CTNNA1: variants seen among roughly 807,000 people sequenced by gnomAD.
The protein encoded by CTNNA1 is catenin alpha 1.
A neutral mutation model predicts 98.4 loss-of-function variants in CTNNA1; 37 were observed. The observed-to-expected ratio is 0.38, with a 90% CI of 0.29 to 0.49. The LOEUF (loss-of-function observed/expected upper bound fraction) is 0.49, where lower values mean the gene tolerates loss of function less well. Among genes scored for constraint, CTNNA1 ranks in the 20% least tolerant of loss-of-function variants. CTNNA1 has a pLI of 0.95. For synonymous variants in CTNNA1, 404 were observed against 413.2 expected (o/e 0.98, Z 0.27); for missense variants, 761 against 1,147.2 (o/e 0.66, Z 4.86).
intron 5 of CTNNA1, among the ~76,000 whole-genome samples, chr5:138,819,481 A>G (rs1448426949): frequency 2.0e-5 from 3 of 152,128 alleles, no homozygotes; most frequent in African/African-American, 7.2e-5. Flanking sequence ...GATGCAGGGT[A>G]CTATGTCGGC....
At chr5:138,872,859 T>G in intron 7 of CTNNA1, 2 of 526,754 alleles carry the variant, frequency 3.8e-6, no homozygotes, top group Non-Finnish European at 6.5e-6. Context: ...TTTAAAAAAT[T>G]AAAAATACTT....
intron 7 of CTNNA1, among the ~76,000 whole-genome samples, chr5:138,846,320 A>G (rs1762726267): frequency 6.6e-6 from 1 of 152,354 alleles, no homozygotes. Flanking sequence ...GGTTGTACAT[A>G]TCTGTGAATA....
intron 5 of CTNNA1, among the ~76,000 whole-genome samples, chr5:138,817,113 T>TC (rs1211389216): frequency 6.6e-6 from 1 of 152,262 alleles, no homozygotes; most frequent in Non-Finnish European, 1.5e-5. Flanking sequence ...GCACATATTT[T>TC]CTCCTGTTCT....
intron 7 of CTNNA1, among the ~76,000 whole-genome samples, chr5:138,848,989 T>A (rs1237537068): frequency 6.6e-6 from 1 of 152,198 alleles, no homozygotes; most frequent in Non-Finnish European, 1.5e-5. Context: ...CCCAAATTGC[T>A]GGGATTACAG....
At chr5:138,907,211 G>A (rs10071608) in intron 10 of CTNNA1, among the ~76,000 whole-genome samples, 3,468 of 152,142 alleles carry the variant, frequency 0.023, 134 homozygotes, top group African/African-American at 0.08. Flanking sequence ...TGGTAGAGAC[G>A]GGGTTTCACC....
chr5:138,933,547 AG>A (rs1355687489), intron 17 of CTNNA1, among the ~76,000 whole-genome samples: 1 of 152,036 alleles, frequency 6.6e-6, no homozygotes, highest in African/African-American at 2.4e-5. Flanking sequence ...ACACTTGCTG[AG>A]GGGTGGGGGT....
chr5:138,777,912 A>AGAG (rs1754556215), intron 1 of CTNNA1, among the ~76,000 whole-genome samples: 1 of 59,552 alleles, frequency 1.7e-5, no homozygotes, highest in Non-Finnish European at 3.0e-5. Flanking sequence ...GAGAGGAGGG[A>AGAG]GAGGGGGAGG....
chr5:138,856,597 C>T (rs1353102801), intron 7 of CTNNA1, among the ~76,000 whole-genome samples: 1 of 152,182 alleles, frequency 6.6e-6, no homozygotes, highest in Admixed American at 6.5e-5. Flanking sequence ...CTGTGTTGGA[C>T]TCCCAAAGGG....
intron 1 of CTNNA1, among the ~76,000 whole-genome samples, chr5:138,758,577 A>G (rs1177302818): frequency 6.6e-6 from 1 of 151,502 alleles, no homozygotes; most frequent in Non-Finnish European, 1.5e-5. Flanking sequence ...GCATTTCACC[A>G]TGTTGGCCAG....
chr5:138,786,002 A>G (rs1310557735), intron 3 of CTNNA1, among the ~76,000 whole-genome samples: 4 of 152,196 alleles, frequency 2.6e-5, no homozygotes, highest in African/African-American at 9.7e-5. Context: ...ATCATGGTAT[A>G]ATATACATTC....
intron 9 of CTNNA1, among the ~76,000 whole-genome samples, chr5:138,897,219 C>G (rs1407436210): frequency 6.7e-6 from 1 of 148,870 alleles, no homozygotes; most frequent in Admixed American, 6.8e-5. Context: ...ATTCCATGGA[C>G]TACCTTGTGA....
chr5:138,766,721 T>C (rs1752978337), intron 1 of CTNNA1, among the ~76,000 whole-genome samples: 1 of 151,934 alleles, frequency 6.6e-6, no homozygotes, highest in South Asian at 2.1e-4. Flanking sequence ...CAGTGGAGTA[T>C]AGAGGGGATG....
At chr5:138,776,457 A>C (rs1194194762) in intron 1 of CTNNA1, among the ~76,000 whole-genome samples, 3 of 152,158 alleles carry the variant, frequency 2.0e-5, no homozygotes, top group Admixed American at 6.5e-5. Context: ...CTACACAGAC[A>C]CGGCAACCAT....
chr5:138,864,884 G>A (rs891595063), intron 7 of CTNNA1, among the ~76,000 whole-genome samples: 7 of 151,886 alleles, frequency 4.6e-5, no homozygotes, highest in African/African-American at 9.7e-5. Context: ...GCGCGATCTC[G>A]GCTCACTACA....
At chr5:138,814,030 A>G (rs926689102) in intron 5 of CTNNA1, among the ~76,000 whole-genome samples, 6 of 152,226 alleles carry the variant, frequency 3.9e-5, no homozygotes, top group African/African-American at 1.4e-4. Context: ...GAGGATTCAA[A>G]TAAATAATAT....
intron 7 of CTNNA1, chr5:138,875,643 C>T (rs2149944056): frequency 1.0e-6 from 1 of 985,338 alleles, no homozygotes; most frequent in Non-Finnish European, 1.2e-6. Context: ...TTGTGAGAGC[C>T]AGTGTTAGAC....
chr5:138,768,167 G>A (rs1753140295), intron 1 of CTNNA1, among the ~76,000 whole-genome samples: 1 of 152,160 alleles, frequency 6.6e-6, no homozygotes, highest in African/African-American at 2.4e-5. Flanking sequence ...TTCACTTCCA[G>A]CTTTCCCACT....
At chr5:138,924,370 G>A in intron 11 of CTNNA1, 140 bp from the exon 12 acceptor site, 1 of 693,514 alleles carries the variant, frequency 1.4e-6, no homozygotes, top group Non-Finnish European at 2.4e-6. Flanking sequence ...CTAGTCACTG[G>A]TCTCTCCAAT....
intron 1 of CTNNA1, among the ~76,000 whole-genome samples, chr5:138,756,073 G>GT (rs958657307): frequency 2.0e-5 from 3 of 151,360 alleles, no homozygotes; most frequent in African/African-American, 7.3e-5. Flanking sequence ...TAGTCTTGCT[G>GT]TGTCTCCCAG....
Sources: gnomAD v4.1 joint callset for allele counts (sites outside exome capture counted in the v4.1 genomes callset) on GRCh38, gnomAD v4.1.1 for gene constraint, MANE v1.5 for transcripts, NCBI Gene and HGNC (gene_info 2026-07-23, HGNC 2026-07-21) for gene names.